PIGU: variants seen among roughly 807,000 people sequenced by gnomAD.
PIGU encodes GPI-anchor transamidase component PIGU.
In PIGU, 24 loss-of-function variants were observed where a neutral mutation model predicts 49.9. That is an observed-to-expected ratio of 0.48 (90% CI 0.35 to 0.68). The LOEUF (loss-of-function observed/expected upper bound fraction) is 0.68. PIGU is among the 30% of genes least tolerant of loss of function. PIGU has a pLI of 0.01. For missense variants in PIGU, 490 were observed against 532.6 expected (o/e 0.92, Z 0.79); for synonymous variants, 220 against 205.7 (o/e 1.07, Z -0.59).
At chr20:34,673,082 G>A (rs184251871) in intron 1 of PIGU, among the ~76,000 whole-genome samples, 176 of 151,664 alleles carry the variant, frequency 1.2e-3, no homozygotes, top group Non-Finnish European at 2.3e-3. Flanking sequence ...GTGAAACCCC[G>A]TCTCTACTAA....
At chr20:34,565,412 C>T (rs1340624000) in intron 11 of PIGU, among the ~76,000 whole-genome samples, 2 of 152,242 alleles carry the variant, frequency 1.3e-5, no homozygotes, top group East Asian at 3.9e-4. Flanking sequence ...GCCACCACCC[C>T]TGGCTAGTTT....
chr20:34,580,692 T>C (rs943311670), intron 10 of PIGU, among the ~76,000 whole-genome samples: 6 of 152,158 alleles, frequency 3.9e-5, no homozygotes, highest in Non-Finnish European at 7.3e-5. Flanking sequence ...CCACAAATGT[T>C]TGCAAGGTCT....
chr20:34,592,990 A>C (rs930049624), intron 7 of PIGU, among the ~76,000 whole-genome samples: 1 of 152,150 alleles, frequency 6.6e-6, no homozygotes, highest in Non-Finnish European at 1.5e-5. Context: ...ATAGTACTAA[A>C]TTTTTCTGAA....
At chr20:34,665,765 GGTAC>G (rs1219257288) in intron 1 of PIGU, among the ~76,000 whole-genome samples, 1 of 151,926 alleles carries the variant, frequency 6.6e-6, no homozygotes, top group African/African-American at 2.4e-5. Flanking sequence ...AAACATCTAA[GGTAC>G]ATAGATGTTT....
At chr20:34,622,803 T>C (rs1985295327) in intron 6 of PIGU, among the ~76,000 whole-genome samples, 1 of 152,204 alleles carries the variant, frequency 6.6e-6, no homozygotes, top group African/African-American at 2.4e-5. Flanking sequence ...GCACTAGGCT[T>C]TCTATATAAG....
intron 6 of PIGU, 106 bp from the exon 7 acceptor site, chr20:34,616,245 C>A: frequency 2.4e-6 from 3 of 1,254,414 alleles, no homozygotes; most frequent in Non-Finnish European, 2.2e-6. Flanking sequence ...CAAATAATCA[C>A]CTGCCAAGTG....
At chr20:34,625,397 C>T (rs1277572715) in intron 6 of PIGU, among the ~76,000 whole-genome samples, 2 of 144,144 alleles carry the variant, frequency 1.4e-5, no homozygotes, top group South Asian at 4.3e-4. Flanking sequence ...AAAAAAAAAA[C>T]TACATATCTA....
intron 10 of PIGU, among the ~76,000 whole-genome samples, chr20:34,576,028 C>T (rs6059923): frequency 6.6e-6 from 1 of 152,120 alleles, no homozygotes; most frequent in Admixed American, 6.5e-5. Context: ...TTCTCTAGAC[C>T]TCAGCTTCCT....
intron 7 of PIGU, among the ~76,000 whole-genome samples, chr20:34,614,337 A>C (rs568698721): frequency 1.3e-5 from 2 of 150,480 alleles, no homozygotes; most frequent in South Asian, 4.2e-4. Flanking sequence ...ATAAAAACAA[A>C]TTTCTGGCTG....
chr20:34,615,979 G>GC, intron 7 of PIGU, 63 bp downstream of exon 7: 1 of 1,532,806 alleles, frequency 6.5e-7, no homozygotes, highest in Non-Finnish European at 8.7e-7. Context: ...CTTTCCCCCA[G>GC]CAGGGACCAG....
At chr20:34,643,967 C>A in intron 4 of PIGU, 197 bp downstream of exon 4, 2 of 458,258 alleles carry the variant, frequency 4.4e-6, no homozygotes, top group South Asian at 3.0e-5. Context: ...TGAAGCTGGC[C>A]CTTCTTTATC....
chr20:34,629,819 C>A (rs1385911277), intron 6 of PIGU, among the ~76,000 whole-genome samples: 1 of 152,024 alleles, frequency 6.6e-6, no homozygotes, highest in Non-Finnish European at 1.5e-5. Flanking sequence ...ATCAACTCTC[C>A]CTCCAAAAAT....
At chr20:34,660,186 C>A (rs1986889102) in intron 1 of PIGU, among the ~76,000 whole-genome samples, 1 of 151,938 alleles carries the variant, frequency 6.6e-6, no homozygotes, top group African/African-American at 2.4e-5. Flanking sequence ...AGAAAATCAC[C>A]ACTTGGCGTA....
Position 34,644,163 on chromosome 20 carries a change from C to A in PIGU, c.318+1G>T, listed in dbSNP as rs775710563. The A allele has an allele frequency of 5.6e-6, 9 of 1,605,878 alleles. No homozygotes were observed. Among genetic ancestry groups the A allele is most frequent in the Admixed American group, 1.7e-5 (1 of 59,978 alleles). ...CTTTGCTCCACCCACAAACTACTTA[C>A]CACAACTTTATTGAAGTCCTGGATT... On this transcript the variant is annotated splice_donor_variant, in intron 4 of 11. Coordinates refer to ENST00000217446, the MANE Select transcript of PIGU (RefSeq NM_080476.5). LOFTEE classifies it high-confidence loss of function.
intron 2 of PIGU, among the ~76,000 whole-genome samples, chr20:34,654,194 G>A (rs1986636108): frequency 1.0e-5 from 1 of 97,404 alleles, no homozygotes; most frequent in South Asian, 3.5e-4. Flanking sequence ...CGGGCACGGT[G>A]GCTCACGCCT....
intron 1 of PIGU, among the ~76,000 whole-genome samples, chr20:34,668,483 A>AAAAAAAG (rs1412365978): frequency 3.4e-4 from 30 of 88,712 alleles, no homozygotes; most frequent in East Asian, 1.4e-3. Flanking sequence ...AAAAAAAAAA[A>AAAAAAAG]GGGGGGGGCG....
intron 1 of PIGU, among the ~76,000 whole-genome samples, chr20:34,665,192 ATTTTTTTTT>A (rs1171497892): frequency 1.8e-4 from 11 of 59,628 alleles, no homozygotes; most frequent in African/African-American, 6.0e-4. Flanking sequence ...TGTATGGCCA[ATTTTTTTTT>A]TTTTTTTTTT....
In PIGU at chr20:34,644,226, T is replaced by C. The variant is rs781506727; in HGVS notation, c.256A>G (p.Ile86Val). The C allele has an allele frequency of 6.2e-6, 10 of 1,603,196 alleles. No homozygotes were observed. The highest frequency in any genetic ancestry group is 3.3e-5 in the South Asian group (3 of 90,774). ...LIDYAELVFM[I>V]TDALTAIALY... ...GCAATAGCAGTGAGTGCATCAGTTA[T>C]CTGTCAAAAGAAAGAGAAATAATAG... is the stretch of plus-strand genomic sequence containing the variant. Residue 86 changes from isoleucine to valine, a missense_variant and splice_region_variant, in exon 4 of 12, where the codon ATA (isoleucine) becomes GTA (valine). Coordinates refer to ENST00000217446, the MANE Select transcript of PIGU (RefSeq NM_080476.5).
rs80003542 is a variant in PIGU, at chr20:34,657,468, T to C, written c.131-224A>G. 5.1e-3 allele frequency among the ~76,000 whole-genome samples: 770 copies of C among 152,354 alleles called. 5 individuals carry two copies. The highest frequency in any genetic ancestry group is 0.013 in the South Asian group (61 of 4,832). Reference sequence around the variant, plus strand: ...CAGCACTCATTATAAGACAGTTTTATGTTAAACTATCTGCTTCCTTTTAGT... The same window carrying C: ...CAGCACTCATTATAAGACAGTTTTACGTTAAACTATCTGCTTCCTTTTAGT... On this transcript the variant is annotated intron_variant, in intron 1 of 11. Coordinates refer to ENST00000217446, the MANE Select transcript of PIGU (RefSeq NM_080476.5).
Sources: allele counts gnomAD v4.1 joint callset (sites outside exome capture counted in the v4.1 genomes callset), GRCh38; gene constraint gnomAD v4.1.1; transcripts MANE v1.5; gene names NCBI Gene and HGNC (gene_info 2026-07-23, HGNC 2026-07-21).